Variants in VAMP4 observed in about 807,000 individuals in gnomAD.
VAMP4 encodes vesicle-associated membrane protein 4.
In VAMP4, 19 loss-of-function variants were observed where a neutral mutation model predicts 23.5. The observed-to-expected ratio is 0.81, with a 90% CI of 0.56 to 1.19. The LOEUF is 1.19. Ranked by LOEUF, VAMP4 falls within the 50% of genes most tolerant of loss-of-function variation. The probability of loss-of-function intolerance (pLI) is 0.00; values close to 1 mark genes in which losing one functional copy is unlikely to be tolerated. For missense variants in VAMP4, 145 were observed against 168.6 expected (o/e 0.86, Z 0.78); for synonymous variants, 31 against 51.0 (o/e 0.61, Z 1.67).
At chr1:171,739,828 A>G (rs546181975) in intron 1 of VAMP4, among the ~76,000 whole-genome samples, 17 of 152,366 alleles carry the variant, frequency 1.1e-4, no homozygotes, top group African/African-American at 4.1e-4. Context: ...TTTCTTTGCT[A>G]CAGAATGACT....
At chr1:171,706,287 T>A (rs1184846391) in intron 7 of VAMP4, 80 bp downstream of exon 7, 16 of 1,359,430 alleles carry the variant, frequency 1.2e-5, no homozygotes, top group Non-Finnish European at 1.6e-5. Flanking sequence ...ACATACTAGG[T>A]CAACTGAAAA....
intron 2 of VAMP4, among the ~76,000 whole-genome samples, chr1:171,733,343 G>A (rs1464092688): frequency 6.7e-6 from 1 of 148,534 alleles, no homozygotes; most frequent in African/African-American, 2.5e-5. Flanking sequence ...GTGTATGCCT[G>A]TAATACCAGC....
At chr1:171,723,213 G>C (rs1655254172) in intron 3 of VAMP4, among the ~76,000 whole-genome samples, 1 of 152,194 alleles carries the variant, frequency 6.6e-6, no homozygotes, top group African/African-American at 2.4e-5. Flanking sequence ...TGGGGGCAGA[G>C]CAAGATCACA....
chr1:171,728,079 C>T (rs545375158), intron 3 of VAMP4, among the ~76,000 whole-genome samples: 36 of 152,258 alleles, frequency 2.4e-4, no homozygotes, highest in African/African-American at 7.0e-4. Flanking sequence ...TGGTCAACTG[C>T]GGTCTGAAAA....
chr1:171,729,507 A>G (rs12045452), intron 2 of VAMP4, among the ~76,000 whole-genome samples: 53,244 of 151,948 alleles, frequency 0.35, 9,772 homozygotes, highest in African/African-American at 0.47. Flanking sequence ...CAGGTGTGGA[A>G]TTTTCCATTG....
chr1:171,735,219 A>G (rs1327625353), intron 2 of VAMP4, among the ~76,000 whole-genome samples: 1 of 152,260 alleles, frequency 6.6e-6, no homozygotes, highest in Non-Finnish European at 1.5e-5. Context: ...ATTGTGAGAA[A>G]GAAACACAGG....
At chr1:171,707,650 A>G (rs1654701154) in intron 6 of VAMP4, among the ~76,000 whole-genome samples, 1 of 152,184 alleles carries the variant, frequency 6.6e-6, no homozygotes. Flanking sequence ...AAAATAATAA[A>G]TGAAGAATAC....
chr1:171,710,655 T>C (rs2124841397), intron 5 of VAMP4, 59 bp downstream of exon 5: 3 of 1,352,646 alleles, frequency 2.2e-6, no homozygotes, highest in East Asian at 4.9e-5. Context: ...GCTAGACAAG[T>C]AGAAGACAAA....
rs1654543760 is a variant in VAMP4, at chr1:171,703,538, A to C, written c.*968T>G. 1 of 148,866 alleles carries C rather than the reference A, an allele frequency of 6.7e-6. No homozygotes were observed. The highest frequency in any genetic ancestry group is 1.5e-5 in the Non-Finnish European group (1 of 67,036). 9.2% of individuals were successfully genotyped at this position (148,866 alleles called of 1,614,324 possible). The stretch of plus-strand genomic sequence containing the variant: ...TGCAAAATTTGATTGTGCAACATAC[A>C]TCTCCTCAAGGATGAACAGGAAATG... On this transcript the variant is annotated 3_prime_UTR_variant, in exon 8 of 8. Coordinates refer to ENST00000236192, the MANE Select transcript of VAMP4 (RefSeq NM_003762.5).
In VAMP4 at chr1:171,706,411, G is replaced by A. The variant is rs753450848; in HGVS notation, c.353C>T (p.Ala118Val). 35 of 1,607,244 alleles carry A rather than the reference G, an allele frequency of 2.2e-5. No individual in the cohort carries two copies. In the South Asian group the frequency reaches 3.6e-4, roughly 16 times the overall value. Residue 118 changes from alanine (A) to valine (V), a missense_variant, in exon 7 of 8, where the codon GCC becomes GTC. Coordinates refer to ENST00000236192, the MANE Select transcript of VAMP4 (RefSeq NM_003762.5). ...QMWWRGCKIK[A>V]IMALVAAILL... is the part of the protein sequence containing the mutation. ...GATAGCAGCAACCAAAGCCATGATG[G>A]CTTTTATCTACAACACACAAAAGGG...
chr1:171,707,396 CAACACCCTT>C (rs1654693112), intron 6 of VAMP4, among the ~76,000 whole-genome samples: 1 of 152,142 alleles, frequency 6.6e-6, no homozygotes, highest in African/African-American at 2.4e-5. Flanking sequence ...ACATTTCCAC[CAACACCCTT>C]AACAAGTTTC....
intron 1 of VAMP4, among the ~76,000 whole-genome samples, chr1:171,740,135 A>T (rs1392716236): frequency 6.6e-6 from 1 of 152,232 alleles, no homozygotes; most frequent in Non-Finnish European, 1.5e-5. Flanking sequence ...TAGTAACGAT[A>T]ACGTTAGTCA....
At chr1:171,728,117 C>T (rs572720999) in intron 3 of VAMP4, among the ~76,000 whole-genome samples, 2 of 152,246 alleles carry the variant, frequency 1.3e-5, no homozygotes, top group South Asian at 4.1e-4. Context: ...CAGAAATAAA[C>T]AATTCATAAG....
chr1:171,735,316 T>A (rs974798007), intron 2 of VAMP4, among the ~76,000 whole-genome samples: 2 of 152,252 alleles, frequency 1.3e-5, no homozygotes, highest in Non-Finnish European at 2.9e-5. Context: ...AATTAAAAAT[T>A]ATTAAATAAT....
At chr1:171,712,356 A>G (rs1654876262) in intron 4 of VAMP4, among the ~76,000 whole-genome samples, 1 of 152,130 alleles carries the variant, frequency 6.6e-6, no homozygotes, top group Non-Finnish European at 1.5e-5. Flanking sequence ...AAAGAGTTCT[A>G]TCCTTTCCGA....
At chr1:171,710,330 G>C (rs1176770693) in intron 5 of VAMP4, among the ~76,000 whole-genome samples, 1 of 151,562 alleles carries the variant, frequency 6.6e-6, no homozygotes, top group East Asian at 1.9e-4. Context: ...AGTAAAGAAA[G>C]GTGACTAAGT....
rs1655622319 is a variant in VAMP4 at position 171,733,325 on chromosome 1, G to T, written c.67-4755C>A. Among the ~76,000 whole-genome samples, 3 of 147,614 alleles carry T rather than the reference G, an allele frequency of 2.0e-5. 1 individual carries two copies. In the South Asian group the frequency reaches 6.4e-4, roughly 32 times the overall value. The stretch of plus-strand genomic sequence containing the variant: ...AAAAAAAAAAAAAAAAAAAAATTAG[G>T]CGTGGTGGTGTATGCCTGTAATACC... On this transcript the variant is annotated intron_variant, in intron 2 of 7. Transcript: ENST00000236192.
At chr1:171,719,701 C>T (rs1423060739) in intron 3 of VAMP4, among the ~76,000 whole-genome samples, 1 of 151,976 alleles carries the variant, frequency 6.6e-6, no homozygotes, top group Non-Finnish European at 1.5e-5. Flanking sequence ...TCATTGAAGA[C>T]ACTAACAATT....
rs553860128 is a variant in VAMP4, at chr1:171,705,454, A to G, written c.397+913T>C. On this transcript the variant is annotated intron_variant, in intron 7 of 7. Transcript: ENST00000236192. ...AGACTACAAAAAGAATGTTTATGTT[A>G]TGAGTGCTGAAATAAAAAGGCAGAA... Among the ~76,000 whole-genome samples, 110 of 152,296 alleles carry G rather than the reference A, an allele frequency of 7.2e-4. 1 individual carries two copies. In the South Asian group the frequency reaches 0.023, roughly 32 times the overall value.
Sources: allele counts gnomAD v4.1 joint callset (sites outside exome capture counted in the v4.1 genomes callset), GRCh38; gene constraint gnomAD v4.1.1; transcripts MANE v1.5; gene names NCBI Gene and HGNC (gene_info 2026-07-23, HGNC 2026-07-21).